The following BTK variants were observed in gnomAD, a reference collection of about 807,000 sequenced individuals.
BTK encodes tyrosine-protein kinase BTK.
BTK carries 5 observed loss-of-function variants against 57.4 expected under a neutral mutation model. The ratio of observed to expected loss-of-function variants is 0.09; its 90% CI spans 0.05 to 0.18. The LOEUF is 0.18. Ranked by LOEUF, BTK falls within the 10% of genes least tolerant of loss-of-function variation. The pLI is 1.00. For synonymous variants in BTK, 154 were observed against 174.3 expected (o/e 0.88, Z 0.92); for missense variants, 194 against 501.2 (o/e 0.39, Z 5.85).
chrX:101,371,570 C>T (rs1927033756), intron 4 of BTK, 63 bp downstream of exon 4: 1 of 1,016,498 alleles, frequency 9.8e-7, no homozygotes, highest in Non-Finnish European at 1.4e-6. Flanking sequence ...GCCCTGCACC[C>T]CACCACCCCT....
chrX:101,382,851 AT>A (rs1174891202), intron 1 of BTK, among the ~76,000 whole-genome samples: 1 of 109,769 alleles, frequency 9.1e-6, no homozygotes, highest in Non-Finnish European at 1.9e-5. Flanking sequence ...CATTTTATTT[AT>A]TTTTTCCATC....
chrX:101,354,534 A>C, intron 16 of BTK, 96 bp downstream of exon 16: 1 of 953,390 alleles, frequency 1.0e-6, no homozygotes. Flanking sequence ...AATGAGAAAA[A>C]AAAGAAAAGG....
At chrX:101,390,035 T>C (rs974626219), upstream of BTK, among the ~76,000 whole-genome samples, 1 of 111,720 alleles carries the variant, frequency 9.0e-6, no homozygotes, top group Admixed American at 9.5e-5. Flanking sequence ...CTAGAGTCAG[T>C]CTACTTGGGT....
intron 1 of BTK, among the ~76,000 whole-genome samples, chrX:101,379,285 G>A (rs1167247620): frequency 9.0e-6 from 1 of 111,486 alleles, no homozygotes; most frequent in African/African-American, 3.3e-5. Flanking sequence ...AAAATAACCA[G>A]TCAACTGTAC....
chrX:101,375,803 T>C (rs1281116030), intron 1 of BTK, among the ~76,000 whole-genome samples: 5 of 111,865 alleles, frequency 4.5e-5, no homozygotes, highest in African/African-American at 1.6e-4. Context: ...TCAAACATTG[T>C]CCCACTGGGG....
At chrX:101,377,807 C>G (rs781994605) in intron 1 of BTK, 16 of 111,578 alleles carry the variant, frequency 1.4e-4, no homozygotes, top group African/African-American at 4.6e-4. Flanking sequence ...TGGCCTCCAC[C>G]TCTAGATCAT....
At chrX:101,368,986 C>A (rs1555979898) in intron 5 of BTK, among the ~76,000 whole-genome samples, 1 of 112,213 alleles carries the variant, frequency 8.9e-6, no homozygotes, top group African/African-American at 3.2e-5. Flanking sequence ...CTCTAGGCAG[C>A]CTTTCCTGAT....
At chrX:101,359,498 C>G in intron 9 of BTK, 151 bp from the exon 10 acceptor site, 1 of 595,903 alleles carries the variant, frequency 1.7e-6, no homozygotes, top group Non-Finnish European at 2.9e-6. Context: ...ACACTGTATC[C>G]CTTTCCCAAA....
At chrX:101,372,598 G>A (rs1163900577) in intron 3 of BTK, among the ~76,000 whole-genome samples, 9 of 108,352 alleles carry the variant, frequency 8.3e-5, no homozygotes, top group African/African-American at 2.3e-4. Context: ...ACAGGCTCGC[G>A]CCACCATGCC....
In BTK at chrX:101,350,403, T is replaced by C. The variant is rs1049498206; in HGVS notation, c.1909-447A>G. ...CAGGGATTCTGAGTACCTGGGACCT[T>C]TTTTTTTTTTTTTTTTTTTTTACCA... On this transcript the variant is annotated intron_variant, in intron 18 of 18. Transcript: ENST00000308731. Among the ~76,000 whole-genome samples the C allele has an allele frequency of 4.2e-3, 402 of 95,338 alleles. 4 individuals carry two copies. The highest frequency in any genetic ancestry group is 0.017 in the African/African-American group (388 of 23,497). The allele number at this position is 95,338 out of a possible 115,157, so 82.8% of individuals were successfully genotyped here.
Position 101,350,401 on chromosome X carries a change from C to CTT in BTK, c.1909-447_1909-446dup, listed in dbSNP as rs782749965. Among the ~76,000 whole-genome samples, 551 of 68,683 alleles carry CTT rather than the reference C, an allele frequency of 8.0e-3. 6 individuals carry two copies. The highest frequency in any genetic ancestry group is 0.012 in the Non-Finnish European group (437 of 36,676). The allele number at this position is 68,683 out of a possible 115,157, so 59.6% of individuals were successfully genotyped here. A position where few individuals can be genotyped will look rare whatever the true frequency, so the allele number is the denominator to read the frequency against. ...AGCAGGGATTCTGAGTACCTGGGACCTTTTTTTTTTTTTTTTTTTTTTTAC... is the reference window on the plus strand; with the variant it reads ...AGCAGGGATTCTGAGTACCTGGGACCTTTTTTTTTTTTTTTTTTTTTTTTTAC... On this transcript the variant is annotated intron_variant, in intron 18 of 18. Coordinates refer to ENST00000308731, the MANE Select transcript of BTK (RefSeq NM_000061.3).
chrX:101,360,024 A>C, intron 9 of BTK, 64 bp downstream of exon 9: 1 of 306,790 alleles, frequency 3.3e-6, no homozygotes, highest in Non-Finnish European at 5.3e-6. Flanking sequence ...ATAAATAAAT[A>C]TATATATATA....
At chrX:101,366,278 T>TA (rs1156568059) in intron 5 of BTK, among the ~76,000 whole-genome samples, 10 of 109,421 alleles carry the variant, frequency 9.1e-5, no homozygotes, top group Non-Finnish European at 1.5e-4. Flanking sequence ...TCTCTCAAAA[T>TA]AAAAAAAAAT....
chrX:101,356,506 C>A lies in BTK; in HGVS notation c.1350-238G>T. ...GTCCAGGAATGAAAGAACGCTAAGG[C>A]TAAATTAGAATATTTCTCTTGAAAG... On this transcript the variant is annotated intron_variant, in intron 14 of 18. Coordinates refer to ENST00000308731, the MANE Select transcript of BTK (RefSeq NM_000061.3). 6.7e-6 allele frequency: 3 copies of A among 450,397 alleles called. No homozygotes were observed. The East Asian group carries it at 1.1e-4, about 17-fold the overall frequency. 37.1% of individuals were successfully genotyped at this position (450,397 alleles called of 1,213,427 possible).
At chrX:101,357,387 G>A (rs782272103) in intron 13 of BTK, 122 bp downstream of exon 13, 1 of 637,355 alleles carries the variant, frequency 1.6e-6, no homozygotes, top group African/African-American at 2.2e-5. Flanking sequence ...GATCTGTCTT[G>A]AGCGTCCTTG....
chrX:101,361,233 A>C (rs984645382), intron 7 of BTK, among the ~76,000 whole-genome samples: 1 of 110,708 alleles, frequency 9.0e-6, no homozygotes, highest in Non-Finnish European at 1.9e-5. Flanking sequence ...CCCACAAAAA[A>C]CAAAAAACCA....
Position 101,362,699 on chromosome X carries a change from G to A in BTK, c.392-10C>T. 2 of 1,211,639 alleles carry A rather than the reference G, an allele frequency of 1.7e-6. No individual in the cohort carries two copies. Among genetic ancestry groups the A allele is most frequent in the Non-Finnish European group, 2.2e-6 (2 of 895,310 alleles). ...CTGTTGTACCGGATTACTGTAGCAG[G>A]AAAGAAGAGAGAGATCACATCTGAC... is the stretch of plus-strand genomic sequence containing the variant. On this transcript the variant is annotated splice_polypyrimidine_tract_variant and intron_variant, in intron 5 of 18. Coordinates refer to ENST00000308731, the MANE Select transcript of BTK (RefSeq NM_000061.3).
chrX:101,365,126 G>T (rs782213084), intron 5 of BTK, among the ~76,000 whole-genome samples: 3 of 110,889 alleles, frequency 2.7e-5, no homozygotes, highest in African/African-American at 6.6e-5. Context: ...GTAGAGTTGT[G>T]AACAATGTCA....
At chrX:101,362,740 C>T in intron 5 of BTK, 51 bp from the exon 6 acceptor site, 1 of 1,208,340 alleles carries the variant, frequency 8.3e-7, no homozygotes, top group Non-Finnish European at 1.1e-6. Flanking sequence ...GGAGAAGCCA[C>T]CATTTGCATG....
Sources: allele counts gnomAD v4.1 joint callset (sites outside exome capture counted in the v4.1 genomes callset), GRCh38; gene constraint gnomAD v4.1.1; transcripts MANE v1.5; gene names NCBI Gene and HGNC (gene_info 2026-07-23, HGNC 2026-07-21).